Variants in COL24A1 observed in about 807,000 individuals in gnomAD.
The protein encoded by COL24A1 is collagen type XXIV alpha 1 chain.
Under a neutral mutation model 253.9 loss-of-function variants are expected in COL24A1, and 224 were observed. The observed-to-expected ratio is 0.88, with a 90% CI of 0.79 to 0.99. The LOEUF (loss-of-function observed/expected upper bound fraction) is 0.99. Among genes scored for constraint, COL24A1 ranks in the 50% least tolerant of loss-of-function variants. COL24A1 has a pLI of 0.00. For synonymous variants in COL24A1, 685 were observed against 673.7 expected (o/e 1.02, Z -0.26); for missense variants, 2,131 against 2,068.5 (o/e 1.03, Z -0.59).
intron 37 of COL24A1, among the ~76,000 whole-genome samples, chr1:85,857,095 A>G (rs1409359735): frequency 6.6e-6 from 1 of 152,134 alleles, no homozygotes; most frequent in African/African-American, 2.4e-5. Context: ...TGTCAGAGAG[A>G]GATCTTTTTT....
chr1:85,744,300 G>T (rs1401071668), intron 57 of COL24A1, among the ~76,000 whole-genome samples: 1 of 151,876 alleles, frequency 6.6e-6, no homozygotes, highest in African/African-American at 2.4e-5. Context: ...AGACTTTTAG[G>T]GAGTATGGTG....
At chr1:85,991,692 G>A (rs9988431) in intron 19 of COL24A1, among the ~76,000 whole-genome samples, 23,884 of 152,026 alleles carry the variant, frequency 0.16, 2,105 homozygotes, top group African/African-American at 0.21. Flanking sequence ...TCCTTAAAAC[G>A]TCATTAAAGT....
chr1:86,125,217 C>T lies in COL24A1; in HGVS notation c.1119G>A (p.Met373Ile), dbSNP rs750549745. ...CATCATGTTGTGTGATATTGTCAGA[C>T]ATGTTTAGGAGAGAGCTAAATTTCT... ...TKEKFSSLLN[M>I]SDNITQHDDR... Residue 373 changes from methionine to isoleucine, a missense_variant, in exon 3 of 60, where the codon ATG becomes ATA. By Grantham distance (10) the Met-to-Ile change is conservative. Coordinates refer to ENST00000370571, the MANE Select transcript of COL24A1 (RefSeq NM_152890.7). The T allele has an allele frequency of 5.0e-6, 8 of 1,613,540 alleles. No homozygotes were observed. In the East Asian group the frequency reaches 1.1e-4, roughly 22 times the overall value.
chr1:86,146,464 T>C (rs951578237), intron 1 of COL24A1, among the ~76,000 whole-genome samples: 1 of 151,908 alleles, frequency 6.6e-6, no homozygotes, highest in Non-Finnish European at 1.5e-5. Context: ...AAAAACTTCA[T>C]GTAAAGCACA....
At chr1:85,915,414 T>A (rs1481003061) in intron 24 of COL24A1, among the ~76,000 whole-genome samples, 1 of 152,220 alleles carries the variant, frequency 6.6e-6, no homozygotes, top group Non-Finnish European at 1.5e-5. Flanking sequence ...TAGGATCTCC[T>A]GTTTGTGGAT....
At chr1:85,862,380 T>C (rs1160102168) in intron 37 of COL24A1, among the ~76,000 whole-genome samples, 1 of 151,742 alleles carries the variant, frequency 6.6e-6, no homozygotes, top group East Asian at 1.9e-4. Context: ...TCTAAGACAA[T>C]GAATTTTTTT....
chr1:85,784,282 C>T lies in COL24A1; in HGVS notation c.4144G>A (p.Asp1382Asn), dbSNP rs767863470. The change falls in exon 49 of 60, where the codon GAC becomes AAC. Residue 1382 changes from aspartate to asparagine, a missense_variant. Transcript: ENST00000370571. ...GAQGDQGPCG[D>N]PGLKGQPGEY... ...ACAGGCTGCCCTTTCAGGCCAGGGT[C>T]TCCACATGGTCCTTGATCACCTTGT... 8 of 1,614,062 alleles carry T rather than the reference C, an allele frequency of 5.0e-6. No individual in the cohort carries two copies. The highest frequency in any genetic ancestry group is 6.8e-6 in the Non-Finnish European group (8 of 1,179,956).
At position 85,729,785 on chromosome 1, in the gene COL24A1, A is replaced by G. The variant is rs1663305065; in HGVS notation, c.*761T>C. 6.6e-6 allele frequency: 1 copy of G among 152,626 alleles called. No homozygotes were observed. The highest frequency in any genetic ancestry group is 2.4e-5 in the African/African-American group (1 of 41,456). 9.5% of individuals were successfully genotyped at this position (152,626 alleles called of 1,614,324 possible). On this transcript the variant is annotated 3_prime_UTR_variant, in exon 60 of 60. Coordinates refer to ENST00000370571, the MANE Select transcript of COL24A1 (RefSeq NM_152890.7). ...ACAAAGAAATCTAATTCTTTTGCGT[A>G]CAAGCACAGGTTACAATGTGCTGGC... is the stretch of plus-strand genomic sequence containing the variant.
At chr1:86,092,095 T>C (rs1246674033) in intron 6 of COL24A1, among the ~76,000 whole-genome samples, 172 bp downstream of exon 6, 1 of 152,064 alleles carries the variant, frequency 6.6e-6, no homozygotes, top group Non-Finnish European at 1.5e-5. Context: ...GTGAAACTGG[T>C]GATAAAATTT....
At chr1:85,741,261 C>T (rs1262260522) in intron 57 of COL24A1, among the ~76,000 whole-genome samples, 4 of 152,114 alleles carry the variant, frequency 2.6e-5, no homozygotes, top group Non-Finnish European at 4.4e-5. Context: ...AGTTCTCATT[C>T]ATGGTGTTGT....
intron 19 of COL24A1, among the ~76,000 whole-genome samples, chr1:86,014,352 G>A (rs944266926): frequency 2.0e-5 from 3 of 152,178 alleles, no homozygotes; most frequent in Non-Finnish European, 4.4e-5. Context: ...GACAAAGACT[G>A]TAGACTTCTA....
chr1:85,932,785 T>C (rs1687868583), intron 24 of COL24A1, among the ~76,000 whole-genome samples: 1 of 79,618 alleles, frequency 1.3e-5, no homozygotes, highest in African/African-American at 5.3e-5. Flanking sequence ...ATATCCTTTG[T>C]AGGGACATGG....
chr1:85,996,497 A>G lies in COL24A1; in HGVS notation c.2311-8843T>C, dbSNP rs117253413. 7.7e-3 allele frequency among the ~76,000 whole-genome samples: 462 copies of G among 60,286 alleles called. 22 individuals carry two copies. In the East Asian group the frequency reaches 0.18, roughly 24 times the overall value. The allele number at this position is 60,286 out of a possible 152,430, so 39.5% of individuals were successfully genotyped here. On this transcript the variant is annotated intron_variant, in intron 19 of 59. Coordinates refer to ENST00000370571, the MANE Select transcript of COL24A1 (RefSeq NM_152890.7). ...TTGAGACCAGCCTGACCAACATGGC[A>G]TGGTGGTGGGTTCCTGAAATCCCAG...
In COL24A1 at chr1:85,842,391, TC is replaced by T. The variant is rs1676712491; in HGVS notation, c.3464del (p.Gly1155AspfsTer3). 1 of 1,596,606 alleles carries T rather than the reference TC, an allele frequency of 6.3e-7. No individual in the cohort carries two copies. The highest frequency in any genetic ancestry group is 8.6e-7 in the Non-Finnish European group (1 of 1,168,866). On this transcript the variant is annotated frameshift_variant and splice_region_variant, in exon 40 of 60. Coordinates refer to ENST00000370571, the MANE Select transcript of COL24A1 (RefSeq NM_152890.7). LOFTEE classifies it high-confidence loss of function. ...KGARGTRGAVGHLGLMGPDGE... is the reference protein window; with the variant it reads ...KGARGTRGAVXHLGLMGPDGE... Reference sequence around the variant, plus strand: ...CATCAGGTCCCATCAATCCTAAATGTCCCTGAAAAACAAAGTAAATATTAGT... The same window carrying T: ...CATCAGGTCCCATCAATCCTAAATGTCCTGAAAAACAAAGTAAATATTAGT...
Position 85,983,061 on chromosome 1 carries a change from A to C in COL24A1, c.2364+4540T>G, listed in dbSNP as rs1413311295. Among the ~76,000 whole-genome samples, 4 of 152,010 alleles carry C rather than the reference A, an allele frequency of 2.6e-5. No individual in the cohort carries two copies. The East Asian group carries it at 7.7e-4, about 29-fold the overall frequency. ...ATAATTCAGTGCAAGAACTATTTCC[A>C]TATATTACACAACATAATCCCACAA... On this transcript the variant is annotated intron_variant, in intron 20 of 59. Coordinates refer to ENST00000370571, the MANE Select transcript of COL24A1 (RefSeq NM_152890.7).
chr1:86,026,456 G>A (rs1415347386), intron 14 of COL24A1, among the ~76,000 whole-genome samples: 1 of 152,128 alleles, frequency 6.6e-6, no homozygotes, highest in Non-Finnish European at 1.5e-5. Context: ...AGTGAGTGAG[G>A]CTCATGAAAT....
At chr1:85,870,149 A>G (rs576102517) in intron 35 of COL24A1, among the ~76,000 whole-genome samples, 3 of 152,242 alleles carry the variant, frequency 2.0e-5, no homozygotes, top group South Asian at 4.1e-4. Context: ...AGAGCTAACT[A>G]TCCTAAATAT....
chr1:85,998,196 T>C (rs1341483628), intron 19 of COL24A1, among the ~76,000 whole-genome samples: 8 of 152,200 alleles, frequency 5.3e-5, no homozygotes, highest in African/African-American at 1.9e-4. Flanking sequence ...CATCTGTGCT[T>C]TTACAAATGC....
intron 1 of COL24A1, among the ~76,000 whole-genome samples, chr1:86,146,595 C>G (rs916009263): frequency 2.0e-5 from 3 of 151,576 alleles, no homozygotes; most frequent in Non-Finnish European, 4.4e-5. Flanking sequence ...ATAGAAATTT[C>G]CACAAAAATA....
Sources: gnomAD v4.1 joint callset for allele counts (sites outside exome capture counted in the v4.1 genomes callset) on GRCh38, gnomAD v4.1.1 for gene constraint, MANE v1.5 for transcripts, NCBI Gene and HGNC (gene_info 2026-07-23, HGNC 2026-07-21) for gene names.